Variants in TSPAN7 observed in about 807,000 individuals in gnomAD.
TSPAN7 encodes tetraspanin-7.
TSPAN7 carries 1 observed loss-of-function variant against 17.6 expected under a neutral mutation model. The observed-to-expected ratio is 0.06, with a 90% confidence interval of 0.02 to 0.27. The LOEUF (loss-of-function observed/expected upper bound fraction) is 0.27, where lower values mean the gene tolerates loss of function less well. Ranked by LOEUF, TSPAN7 falls within the 10% of genes least tolerant of loss-of-function variation. TSPAN7 has a pLI of 1.00. For missense variants in TSPAN7, 112 were observed against 201.7 expected, an observed-to-expected ratio of 0.56 and a Z score of 2.69; for synonymous variants, 78 against 79.0, an observed-to-expected ratio of 0.99 and a Z score of 0.07.
intron 1 of TSPAN7, among the ~76,000 whole-genome samples, chrX:38,626,590 A>T (rs1286211289): frequency 2.7e-5 from 3 of 111,153 alleles, no homozygotes; most frequent in African/African-American, 6.6e-5. Context: ...AAGATGCAGT[A>T]CGCTCAGAGG....
At chrX:38,681,077 TA>T in intron 5 of TSPAN7, 126 bp from the exon 6 acceptor site, 1 of 558,250 alleles carries the variant, frequency 1.8e-6, no homozygotes. Flanking sequence ...AATAAATCCC[TA>T]GAGTGAGTTG....
chrX:38,642,582 A>G (rs2069619414), intron 1 of TSPAN7, among the ~76,000 whole-genome samples: 2 of 112,324 alleles, frequency 1.8e-5, no homozygotes, highest in Admixed American at 1.9e-4. Flanking sequence ...TGAAAGATTC[A>G]ATAAGAAACA....
intron 1 of TSPAN7, chrX:38,623,104 C>T (rs889678839): frequency 8.2e-5 from 27 of 328,292 alleles, no homozygotes; most frequent in Non-Finnish European, 7.1e-5. Context: ...CCCTTCTCAC[C>T]TCACAGGGAA....
intron 1 of TSPAN7, among the ~76,000 whole-genome samples, chrX:38,662,687 A>G (rs1295474792): frequency 4.5e-5 from 5 of 111,652 alleles, no homozygotes; most frequent in Non-Finnish European, 9.4e-5. Context: ...GGAACTGCCC[A>G]GAGAATAGCT....
chrX:38,618,848 G>C (rs2069471967), intron 1 of TSPAN7, among the ~76,000 whole-genome samples: 1 of 111,346 alleles, frequency 9.0e-6, no homozygotes, highest in African/African-American at 3.3e-5. Flanking sequence ...GTGGTGGTAG[G>C]TGGTAGGTGG....
At chrX:38,618,735 C>T (rs903334290) in intron 1 of TSPAN7, among the ~76,000 whole-genome samples, 2 of 111,610 alleles carry the variant, frequency 1.8e-5, no homozygotes, top group African/African-American at 6.5e-5. Context: ...CATTTTCCTT[C>T]ATTTGATTCT....
At chrX:38,656,172 A>G in intron 1 of TSPAN7, 1 of 221,901 alleles carries the variant, frequency 4.5e-6, no homozygotes, top group Non-Finnish European at 8.6e-6. Context: ...GGTATGGCTG[A>G]GGCTTTGGTG....
intron 1 of TSPAN7, among the ~76,000 whole-genome samples, chrX:38,597,052 T>G (rs1190795438): frequency 1.8e-5 from 2 of 111,347 alleles, no homozygotes; most frequent in African/African-American, 6.5e-5. Flanking sequence ...AAGTGCTTTT[T>G]GAGGCCTCAA....
intron 1 of TSPAN7, among the ~76,000 whole-genome samples, chrX:38,616,388 A>G (rs2069456087): frequency 1.8e-5 from 2 of 112,021 alleles, no homozygotes; most frequent in African/African-American, 6.5e-5. Flanking sequence ...CTTAACCACT[A>G]TACAGGGATG....
rs769035252 is a variant in TSPAN7, at chrX:38,581,494, A to ACCC, written c.81+19873_81+19875dup. 2.7e-4 allele frequency among the ~76,000 whole-genome samples: 29 copies of ACCC among 106,782 alleles called. 1 individual carries two copies. The highest frequency in any genetic ancestry group is 5.6e-4 in the Non-Finnish European group (29 of 51,495). 92.7% of individuals were successfully genotyped at this position (106,782 alleles called of 115,157 possible). On this transcript the variant is annotated intron_variant, in intron 1 of 7. Transcript: ENST00000378482. ...CTATCACAAGAACAGCACGGGAAAG[A>ACCC]CCCCCCCCTCATGATTCAATTACCT...
chrX:38,574,549 T>C (rs2069184299), intron 1 of TSPAN7, among the ~76,000 whole-genome samples: 1 of 111,729 alleles, frequency 9.0e-6, no homozygotes, highest in South Asian at 3.8e-4. Context: ...TAAAATCCTA[T>C]CTTGGGTCAT....
intron 1 of TSPAN7, among the ~76,000 whole-genome samples, chrX:38,583,408 T>C (rs1037649744): frequency 1.8e-5 from 2 of 112,398 alleles, no homozygotes; most frequent in East Asian, 5.6e-4. Flanking sequence ...AATCATTTGC[T>C]TACCTGTCAG....
rs913579336 is a variant in TSPAN7, at chrX:38,589,263, C to T, written c.81+27636C>T. 3.6e-5 allele frequency among the ~76,000 whole-genome samples: 4 copies of T among 111,794 alleles called. No homozygotes were observed. The South Asian group carries it at 1.1e-3, about 31-fold the overall frequency. On this transcript the variant is annotated intron_variant, in intron 1 of 7. Transcript: ENST00000378482. ...CCAGATTTGTGTCCTGATATTTATT[C>T]GATCAGAATTTTCTCGTGTCTTTAA...
intron 1 of TSPAN7, among the ~76,000 whole-genome samples, chrX:38,612,164 A>T (rs979305714): frequency 1.8e-5 from 2 of 111,582 alleles, no homozygotes; most frequent in Admixed American, 9.5e-5. Context: ...ATCTGAGGAA[A>T]AATGGGTCTC....
chrX:38,671,470 A>G lies in TSPAN7; in HGVS notation c.345+20A>G. The stretch of plus-strand genomic sequence containing the variant: ...CATGAGGTGAGTATACACAAAATGC[A>G]GAACTCAGTTAAGGGGTGTTTGGGA... On this transcript the variant is annotated intron_variant, in intron 3 of 7. Transcript: ENST00000378482. 1.7e-6 allele frequency: 2 copies of G among 1,197,861 alleles called. No homozygotes were observed. Among genetic ancestry groups the G allele is most frequent in the Non-Finnish European group, 1.1e-6 (1 of 882,825 alleles).
At chrX:38,655,721 C>G (rs911309599) in intron 1 of TSPAN7, among the ~76,000 whole-genome samples, 18 of 111,652 alleles carry the variant, frequency 1.6e-4, no homozygotes, top group African/African-American at 5.9e-4. Context: ...CACACCCCAT[C>G]AATGCATAGC....
At chrX:38,622,062 C>T (rs2069491476) in intron 1 of TSPAN7, among the ~76,000 whole-genome samples, 1 of 112,736 alleles carries the variant, frequency 8.9e-6, no homozygotes, top group African/African-American at 3.2e-5. Context: ...TAGTACTCTG[C>T]TTCTGTATCC....
At chrX:38,591,568 T>C (rs1424317828) in intron 1 of TSPAN7, among the ~76,000 whole-genome samples, 1 of 112,186 alleles carries the variant, frequency 8.9e-6, no homozygotes, top group Non-Finnish European at 1.9e-5. Context: ...TAACTAATTT[T>C]CTCAATACTT....
At position 38,561,546 on chromosome X, in the gene TSPAN7, T is replaced by C. The variant is rs764764570; in HGVS notation, c.-1T>C. The stretch of plus-strand genomic sequence containing the variant: ...CGCCGCCGCCGCCGGAGCTCTGTAG[T>C]ATGGCATCGAGGAGAATGGAGACCA... On this transcript the variant is annotated 5_prime_UTR_variant, in exon 1 of 8. Coordinates refer to ENST00000378482, the MANE Select transcript of TSPAN7 (RefSeq NM_004615.4). 2.2e-4 allele frequency: 262 copies of C among 1,181,893 alleles called. No homozygotes were observed. The highest frequency in any genetic ancestry group is 2.7e-4 in the Non-Finnish European group (240 of 879,554).
Sources: gnomAD v4.1 joint callset for allele counts (sites outside exome capture counted in the v4.1 genomes callset) on GRCh38, gnomAD v4.1.1 for gene constraint, MANE v1.5 for transcripts, NCBI Gene and HGNC (gene_info 2026-07-23, HGNC 2026-07-21) for gene names.